CEP170B: variants seen among roughly 807,000 people sequenced by gnomAD.
The protein encoded by CEP170B is centrosomal protein of 170 kDa protein B.
A neutral mutation model predicts 120.6 loss-of-function variants in CEP170B; 55 were observed. That is an observed-to-expected ratio of 0.46 (90% CI 0.37 to 0.57). The LOEUF (loss-of-function observed/expected upper bound fraction) is 0.57. CEP170B is among the 20% of genes least tolerant of loss of function. CEP170B has a pLI of 0.00. For synonymous variants in CEP170B, 1,033 were observed against 954.5 expected, an observed-to-expected ratio of 1.08 and a Z score of -1.52; for missense variants, 2,212 against 2,253.3, an observed-to-expected ratio of 0.98 and a Z score of 0.37.
intron 2 of CEP170B, among the ~76,000 whole-genome samples, chr14:104,872,406 GGTGTGCCGTGGGTGTGCCGTGCGT>G (rs1895595305): frequency 1.5e-5 from 1 of 65,628 alleles, no homozygotes; most frequent in African/African-American, 4.4e-5. Context: ...GGTGTGCGTG[GGTGTGCCGTGGGTGTGCCGTGCGT>G]GTGTGCGTGT....
chr14:104,872,649 C>T (rs1895636249), intron 2 of CEP170B, among the ~76,000 whole-genome samples: 1 of 152,110 alleles, frequency 6.6e-6, no homozygotes, highest in Admixed American at 6.5e-5. Flanking sequence ...GCGTGCTGCC[C>T]CAGAGACCAC....
chr14:104,895,208 G>T lies in CEP170B; in HGVS notation c.*250G>T. On this transcript the variant is annotated 3_prime_UTR_variant, in exon 19 of 19. Transcript: ENST00000414716. ...CTACAGGCCTCTGGGCCCAGCTCCTGGCCAGGCTGCTGCCAAGGTCAAGCC... is the reference window on the plus strand; with the variant it reads ...CTACAGGCCTCTGGGCCCAGCTCCTTGCCAGGCTGCTGCCAAGGTCAAGCC... The T allele has an allele frequency of 2.2e-6, 1 of 462,006 alleles. No homozygotes were observed. The highest frequency in any genetic ancestry group is 4.0e-5 in the Admixed American group (1 of 25,186). 28.6% of individuals were successfully genotyped at this position (462,006 alleles called of 1,614,324 possible).
At chr14:104,881,884 G>C (rs2140681086) in intron 6 of CEP170B, among the ~76,000 whole-genome samples, 1 of 152,106 alleles carries the variant, frequency 6.6e-6, no homozygotes, top group Admixed American at 6.5e-5. Flanking sequence ...TTCCCTATGG[G>C]TAACTGGCCC....
chr14:104,893,310 G>A (rs1379784007), intron 14 of CEP170B, among the ~76,000 whole-genome samples, 175 bp downstream of exon 14: 1 of 152,256 alleles, frequency 6.6e-6, no homozygotes, highest in Non-Finnish European at 1.5e-5. Flanking sequence ...AGAGCTCGAG[G>A]TCTGGGGCGC....
At chr14:104,878,390 C>T (rs2140665086) in intron 4 of CEP170B, 53 bp from the exon 5 acceptor site, 3 of 1,582,874 alleles carry the variant, frequency 1.9e-6, no homozygotes, top group East Asian at 2.3e-5. Context: ...GCGTGGACTT[C>T]AGCGCTGGGC....
chr14:104,893,826 A>T lies in CEP170B; in HGVS notation c.4248A>T (p.Thr1416=), dbSNP rs1332969498. The T allele has an allele frequency of 6.2e-7, 1 of 1,612,554 alleles. No homozygotes were observed. Among genetic ancestry groups the T allele is most frequent in the Admixed American group, 1.7e-5 (1 of 59,950 alleles). ...SQLSQAIREN[T]EHLAEKMKIL... Reference sequence around the variant, plus strand: ...TGTCGCAGGCCATCCGTGAGAACACAGAGCACCTTGCCGAGAAGATGAAGT... The same window carrying T: ...TGTCGCAGGCCATCCGTGAGAACACTGAGCACCTTGCCGAGAAGATGAAGT... Residue 1416 remains threonine, a synonymous_variant, in exon 16 of 19, where the codon ACA becomes ACT. Coordinates refer to ENST00000414716, the MANE Select transcript of CEP170B (RefSeq NM_001112726.3).
In CEP170B at chr14:104,896,608, G is replaced by A. The variant is rs944373034; in HGVS notation, c.*1650G>A. ...CCCTCCAGCCTTTGCCTGGGAACTG[G>A]TCCTTGTTTGCCGGGCTTCTCGGAG... On this transcript the variant is annotated 3_prime_UTR_variant, in exon 19 of 19. Coordinates refer to ENST00000414716, the MANE Select transcript of CEP170B (RefSeq NM_001112726.3). 2 of 455,952 alleles carry A rather than the reference G, an allele frequency of 4.4e-6. No individual in the cohort carries two copies. Among genetic ancestry groups the A allele is most frequent in the African/African-American group, 4.0e-5 (2 of 49,980 alleles). The allele number at this position is 455,952 out of a possible 1,614,324, so 28.2% of individuals were successfully genotyped here.
rs569040523 is a variant in CEP170B, at chr14:104,876,188, G to T, written c.106-68G>T. On this transcript the variant is annotated intron_variant, in intron 2 of 18. Coordinates refer to ENST00000414716, the MANE Select transcript of CEP170B (RefSeq NM_001112726.3). Reference sequence around the variant, plus strand: ...TGCTGGGGCAGGGGATGGAGCAGGGGTGCCTCTGCCTCTTGGGTGTCACCT... The same window carrying T: ...TGCTGGGGCAGGGGATGGAGCAGGGTTGCCTCTGCCTCTTGGGTGTCACCT... 3.5e-6 allele frequency: 5 copies of T among 1,431,088 alleles called. No individual in the cohort carries two copies. The East Asian group carries it at 1.2e-4, about 36-fold the overall frequency. The allele number at this position is 1,431,088 out of a possible 1,614,324, so 88.6% of individuals were successfully genotyped here. A position where few individuals can be genotyped will look rare whatever the true frequency, so the allele number is the denominator to read the frequency against.
chr14:104,876,229 C>T (rs1285832568), intron 2 of CEP170B, 27 bp from the exon 3 acceptor site: 1 of 1,549,748 alleles, frequency 6.5e-7, no homozygotes, highest in Non-Finnish European at 8.7e-7. Context: ...CCTGGAGCAC[C>T]TGAGGGCTGG....
chr14:104,873,578 G>A (rs1460199000), intron 2 of CEP170B, among the ~76,000 whole-genome samples: 2 of 152,058 alleles, frequency 1.3e-5, no homozygotes, highest in Non-Finnish European at 2.9e-5. Flanking sequence ...GGGAAGGCCT[G>A]GGGCAGGGCT....
chr14:104,877,716 C>T lies in CEP170B; in HGVS notation c.196-169C>T, dbSNP rs373442543. On this transcript the variant is annotated intron_variant, in intron 3 of 18. Coordinates refer to ENST00000414716, the MANE Select transcript of CEP170B (RefSeq NM_001112726.3). The stretch of plus-strand genomic sequence containing the variant: ...TGGCTGTGGAACTTGGGGCTGGTGC[C>T]TGGGACAGTGCTGCACAGGCCATCA... 1.5e-4 allele frequency among the ~76,000 whole-genome samples: 23 copies of T among 152,208 alleles called. No individual in the cohort carries two copies. In the South Asian group the frequency reaches 3.1e-3, roughly 21 times the overall value.
intron 3 of CEP170B, among the ~76,000 whole-genome samples, chr14:104,876,941 G>A (rs978083866): frequency 1.3e-5 from 2 of 152,212 alleles, no homozygotes; most frequent in Non-Finnish European, 2.9e-5. Flanking sequence ...GTATGGGGTG[G>A]AAGCAGGCAG....
rs1467285989 is a variant in CEP170B, at chr14:104,893,570, G to T, written c.4086G>T (p.Pro1362=). 6.2e-7 allele frequency: 1 copy of T among 1,604,676 alleles called. No individual in the cohort carries two copies. Among genetic ancestry groups the T allele is most frequent in the South Asian group, 1.1e-5 (1 of 88,978 alleles). ...CCAGCCTCAACTTCCAGAAGGTGCC[G>T]CCCGGCTCGCTGAACTCTCGGGACT... The part of the protein sequence containing the change: ...PEASLNFQKV[P]PGSLNSRDFD... The change falls in exon 15 of 19, where the codon CCG becomes CCT. Residue 1362 remains proline, a synonymous_variant. Coordinates refer to ENST00000414716, the MANE Select transcript of CEP170B (RefSeq NM_001112726.3).
rs373627643 is a variant in CEP170B, at chr14:104,893,501, G to A, written c.4039-22G>A. 3.8e-4 allele frequency: 602 copies of A among 1,594,216 alleles called. 3 individuals carry two copies. In the African/African-American group the frequency reaches 6.9e-3, roughly 18 times the overall value. On this transcript the variant is annotated intron_variant, in intron 14 of 18. Transcript: ENST00000414716. ...CAGGAGCCTCTGCCTGGGGCCCACGGTGCCGGCCCTCCCTCTTGCAGCTGG... is the reference window on the plus strand; with the variant it reads ...CAGGAGCCTCTGCCTGGGGCCCACGATGCCGGCCCTCCCTCTTGCAGCTGG...
chr14:104,869,456 C>T (rs1341924934), intron 2 of CEP170B, among the ~76,000 whole-genome samples: 2 of 152,206 alleles, frequency 1.3e-5, no homozygotes, highest in Non-Finnish European at 2.9e-5. Flanking sequence ...AGGCCTCAGG[C>T]TGTGGTGAGG....
chr14:104,885,731 T>G lies in CEP170B; in HGVS notation c.1944+189T>G, dbSNP rs575079473. ...GCCAGGTGTCAGGCCCACTGTTGAT[T>G]TGAGGTCCTGGGCAAAACGGGCTCT... On this transcript the variant is annotated intron_variant, in intron 10 of 18. Transcript: ENST00000414716. Among the ~76,000 whole-genome samples, 44 of 152,190 alleles carry G rather than the reference T, an allele frequency of 2.9e-4. 1 individual carries two copies. The South Asian group carries it at 8.5e-3, about 29-fold the overall frequency.
In CEP170B at chr14:104,880,688, C is replaced by G. The variant is rs116839519; in HGVS notation, c.472+263C>G. Among the ~76,000 whole-genome samples, 1,179 of 151,566 alleles carry G rather than the reference C, an allele frequency of 7.8e-3. 12 individuals are homozygous for G. Among genetic ancestry groups the G allele is most frequent in the African/African-American group, 0.026 (1,053 of 41,274 alleles). On this transcript the variant is annotated intron_variant, in intron 6 of 18. Coordinates refer to ENST00000414716, the MANE Select transcript of CEP170B (RefSeq NM_001112726.3). ...CCCCTCACTTCTGTACACACCTACC[C>G]ATGCATGCCTGCATCTTCGTTATAC...
chr14:104,894,484 G>T, intron 17 of CEP170B, 53 bp from the exon 18 acceptor site: 1 of 1,603,742 alleles, frequency 6.2e-7, no homozygotes, highest in East Asian at 2.2e-5. Flanking sequence ...CCCCGGGGCA[G>T]GGCTGCAGCC....
chr14:104,887,053 G>A lies in CEP170B; in HGVS notation c.2814G>A (p.Glu938=). 1 of 1,611,364 alleles carries A rather than the reference G, an allele frequency of 6.2e-7. No homozygotes were observed. Among genetic ancestry groups the A allele is most frequent in the Non-Finnish European group, 8.5e-7 (1 of 1,179,802 alleles). The part of the protein sequence containing the change: ...LLSNSVDAEC[E]GGSTPRPPED... Reference sequence around the variant, plus strand: ...CTAATTCTGTGGATGCCGAGTGTGAGGGGGGCAGCACCCCGAGGCCGCCGG... The same window carrying A: ...CTAATTCTGTGGATGCCGAGTGTGAAGGGGGCAGCACCCCGAGGCCGCCGG... Residue 938 remains glutamate (E), a synonymous_variant, in exon 12 of 19, where the codon GAG becomes GAA. Coordinates refer to ENST00000414716, the MANE Select transcript of CEP170B (RefSeq NM_001112726.3).
Sources: gnomAD v4.1 joint callset for allele counts (sites outside exome capture counted in the v4.1 genomes callset) on GRCh38, gnomAD v4.1.1 for gene constraint, MANE v1.5 for transcripts, NCBI Gene and HGNC (gene_info 2026-07-23, HGNC 2026-07-21) for gene names.